SAMD8: variants seen among roughly 807,000 people sequenced by gnomAD.
SAMD8 encodes the protein sterile alpha motif domain containing 8, also known as sphingomyelin synthase-related protein 1.
A neutral mutation model predicts 42.0 loss-of-function variants in SAMD8; 20 were observed. The observed-to-expected ratio is 0.48, with a 90% CI of 0.34 to 0.69. The LOEUF (loss-of-function observed/expected upper bound fraction) is 0.69. Among genes scored for constraint, SAMD8 ranks in the 30% least tolerant of loss-of-function variants. SAMD8 has a pLI of 0.01. For missense variants in SAMD8, 328 were observed against 511.6 expected, an observed-to-expected ratio of 0.64 and a Z score of 3.46; for synonymous variants, 162 against 173.0, an observed-to-expected ratio of 0.94 and a Z score of 0.50.
intron 1 of SAMD8, among the ~76,000 whole-genome samples, chr10:75,134,946 C>T (rs910317130): frequency 6.6e-5 from 10 of 151,736 alleles, no homozygotes; most frequent in African/African-American, 1.7e-4. Flanking sequence ...CTGTAGTCCC[C>T]GCTACTCAGG....
At chr10:75,124,607 C>T (rs1478073667) in intron 1 of SAMD8, among the ~76,000 whole-genome samples, 3 of 126,228 alleles carry the variant, frequency 2.4e-5, no homozygotes, top group Non-Finnish European at 4.8e-5. Context: ...AACGAGACTC[C>T]ATCTCAAAAA....
In SAMD8 at chr10:75,181,618, A is replaced by G. The variant is rs754752259; in HGVS notation, c.*4926A>G. Reference sequence around the variant, plus strand: ...GTATTCCATGTTTCAGCATAAGGAAAGTTTGTGCCTGATATGGCAGGAGAA... The same window carrying G: ...GTATTCCATGTTTCAGCATAAGGAAGGTTTGTGCCTGATATGGCAGGAGAA... On this transcript the variant is annotated 3_prime_UTR_variant, in exon 6 of 6. Transcript: ENST00000542569. 6.6e-6 allele frequency: 1 copy of G among 152,206 alleles called. No individual in the cohort carries two copies. The highest frequency in any genetic ancestry group is 2.4e-5 in the African/African-American group (1 of 41,458). The allele number at this position is 152,206 out of a possible 1,614,324, so 9.4% of individuals were successfully genotyped here.
At chr10:75,154,441 G>T (rs577293012) in intron 2 of SAMD8, among the ~76,000 whole-genome samples, 1 of 152,308 alleles carries the variant, frequency 6.6e-6, no homozygotes, top group East Asian at 1.9e-4. Context: ...AAACAGCTGG[G>T]TGCAAAAATC....
At chr10:75,110,803 C>A (rs1848746151), upstream of SAMD8, among the ~76,000 whole-genome samples, 1 of 152,102 alleles carries the variant, frequency 6.6e-6, no homozygotes, top group African/African-American at 2.4e-5. Context: ...TAGGATCCCC[C>A]TTGCAGAATT....
chr10:75,167,226 G>T (rs572340504), intron 3 of SAMD8, among the ~76,000 whole-genome samples: 1 of 152,030 alleles, frequency 6.6e-6, no homozygotes, highest in Admixed American at 6.6e-5. Flanking sequence ...ATGAGTATTC[G>T]ATAGCTACTA....
intron 4 of SAMD8, among the ~76,000 whole-genome samples, chr10:75,170,833 GCA>G (rs1481343050): frequency 1.4e-4 from 20 of 147,020 alleles, no homozygotes; most frequent in Non-Finnish European, 3.0e-4. Context: ...GAGTAGTGTG[GCA>G]CAGTCTTGGC....
In SAMD8 at chr10:75,168,584, T is replaced by C; in HGVS notation, c.718T>C (p.Phe240Leu). The C allele has an allele frequency of 6.2e-7, 1 of 1,614,058 alleles. No individual in the cohort carries two copies. Among genetic ancestry groups the C allele is most frequent in the Non-Finnish European group, 8.5e-7 (1 of 1,179,932 alleles). The change falls in exon 4 of 6, where the codon TTC becomes CTC. Residue 240 changes from phenylalanine to leucine, a missense_variant. Transcript: ENST00000542569. The stretch of plus-strand genomic sequence containing the variant: ...GCTCTGTAGTCTGATGGGAACTGTA[T>C]TCTTGCTTCGCTGCTTTACCATGTT... The part of the protein sequence containing the change: ...RRLCSLMGTV[F>L]LLRCFTMFVT...
rs771443191 is a variant in SAMD8, at chr10:75,164,704, A to G, written c.638A>G (p.Tyr213Cys). 5.0e-6 allele frequency: 8 copies of G among 1,613,968 alleles called. No homozygotes were observed. The Admixed American group carries it at 1.3e-4, about 27-fold the overall frequency. The change falls in exon 3 of 6, where the codon TAT becomes TGT. Residue 213 changes from tyrosine (Y) to cysteine (C), a missense_variant. Tyr to Cys is a radical substitution (Grantham distance 194). Transcript: ENST00000542569. ...GAAGTATGTGGCATGATTCTGTGCT[A>G]TATTTGGCTCCTGGTTCTTCTTCTT... is the stretch of plus-strand genomic sequence containing the variant. ...MTEVCGMILCYIWLLVLLLHK... is the reference protein window; with the variant it reads ...MTEVCGMILCCIWLLVLLLHK...
At chr10:75,103,598 A>G (rs4746263) in intron 1 of SAMD8, among the ~76,000 whole-genome samples, 56,944 of 152,004 alleles carry the variant, frequency 0.37, 11,786 homozygotes, top group East Asian at 0.67. Flanking sequence ...TGTCATACAC[A>G]CATACCTTGA....
intron 1 of SAMD8, chr10:75,103,888 T>C: frequency 7.7e-7 from 1 of 1,303,914 alleles, no homozygotes; most frequent in Non-Finnish European, 1.0e-6. Context: ...GGGAGCCCAC[T>C]CCCACCTGTG....
intron 3 of SAMD8, among the ~76,000 whole-genome samples, chr10:75,165,670 CAA>C (rs1307825539): frequency 2.8e-4 from 18 of 65,402 alleles, no homozygotes; most frequent in Non-Finnish European, 1.9e-4. Flanking sequence ...GACTCTGTCT[CAA>C]AAAAAAAAAA....
chr10:75,105,927 G>A, intron 1 of SAMD8: 3 of 1,496,390 alleles, frequency 2.0e-6, no homozygotes, highest in Non-Finnish European at 9.1e-7. Context: ...CCACGGGCTG[G>A]GATGGGGACC....
At chr10:75,152,686 C>A (rs901302554) in intron 2 of SAMD8, among the ~76,000 whole-genome samples, 1 of 151,918 alleles carries the variant, frequency 6.6e-6, no homozygotes, top group Non-Finnish European at 1.5e-5. Context: ...TGCAACATAG[C>A]AAGACCCCCA....
In SAMD8 at chr10:75,167,235, T is replaced by C. The variant is rs368222971; in HGVS notation, c.675-1306T>C. The stretch of plus-strand genomic sequence containing the variant: ...GTTAGAATGAGTATTCGATAGCTAC[T>C]ATCATTAACTAATTTACAGTGGGTT... On this transcript the variant is annotated intron_variant, in intron 3 of 5. Transcript: ENST00000542569. Among the ~76,000 whole-genome samples, 27 of 152,324 alleles carry C rather than the reference T, an allele frequency of 1.8e-4. No individual in the cohort carries two copies. In the East Asian group the frequency reaches 2.3e-3, roughly 13 times the overall value.
chr10:75,144,463 C>G (rs992370837), intron 1 of SAMD8, among the ~76,000 whole-genome samples: 2 of 149,228 alleles, frequency 1.3e-5, no homozygotes, highest in Non-Finnish European at 2.9e-5. Flanking sequence ...AATTTCACTA[C>G]TCTAGTTACC....
Position 75,181,830 on chromosome 10 carries a change from G to A in SAMD8, c.*5138G>A, listed in dbSNP as rs955437440. On this transcript the variant is annotated 3_prime_UTR_variant, in exon 6 of 6. Coordinates refer to ENST00000542569, the MANE Select transcript of SAMD8 (RefSeq NM_001174156.2). The stretch of plus-strand genomic sequence containing the variant: ...AGAAAAATGAAGTATTTCTGACATG[G>A]AACAAAGAAAGTGGAAACTGGTACT... 6.6e-6 allele frequency: 1 copy of A among 152,126 alleles called. No individual in the cohort carries two copies. The highest frequency in any genetic ancestry group is 6.5e-5 in the Admixed American group (1 of 15,276). The allele number at this position is 152,126 out of a possible 1,614,324, so 9.4% of individuals were successfully genotyped here.
chr10:75,162,345 C>T (rs11593986), intron 2 of SAMD8, among the ~76,000 whole-genome samples: 28,713 of 148,306 alleles, frequency 0.19, 2,982 homozygotes, highest in East Asian at 0.27. Flanking sequence ...GGCGACAAAG[C>T]GAGACTGTGT....
intron 2 of SAMD8, among the ~76,000 whole-genome samples, chr10:75,157,640 G>T (rs961873523): frequency 5.9e-5 from 9 of 152,216 alleles, no homozygotes; most frequent in Non-Finnish European, 1.3e-4. Context: ...GAGAGTAGGA[G>T]AGTGAATAGA....
At chr10:75,105,587 C>A in intron 1 of SAMD8, 1 of 1,371,152 alleles carries the variant, frequency 7.3e-7, no homozygotes, top group Non-Finnish European at 1.0e-6. Context: ...GAATCCAATC[C>A]TATGTCTGCA....
Sources: gnomAD v4.1 joint callset for allele counts (sites outside exome capture counted in the v4.1 genomes callset) on GRCh38, gnomAD v4.1.1 for gene constraint, MANE v1.5 for transcripts, NCBI Gene and HGNC (gene_info 2026-07-23, HGNC 2026-07-21) for gene names.